The following ZNF185 variants were observed in gnomAD, a reference collection of about 807,000 sequenced individuals.
ZNF185 encodes zinc finger protein 185.
ZNF185 carries 56 observed loss-of-function variants against 58.6 expected under a neutral mutation model. The observed-to-expected ratio is 0.95, with a 90% CI of 0.77 to 1.19. The LOEUF is 1.19. Among genes scored for constraint, ZNF185 ranks in the 50% most tolerant of loss-of-function variants. The probability of loss-of-function intolerance (pLI) is 0.00; values close to 1 mark genes in which losing one functional copy is unlikely to be tolerated. For synonymous variants in ZNF185, 230 were observed against 215.9 expected, an observed-to-expected ratio of 1.07 and a Z score of -0.57; for missense variants, 627 against 573.5, an observed-to-expected ratio of 1.09 and a Z score of -0.95.
intron 9 of ZNF185, among the ~76,000 whole-genome samples, chrX:152,921,354 T>C (rs529195544): frequency 9.0e-6 from 1 of 111,221 alleles, no homozygotes; most frequent in Middle Eastern, 4.6e-3. Flanking sequence ...TGTGCTGAGG[T>C]GGCTAGCTGG....
intron 15 of ZNF185, among the ~76,000 whole-genome samples, 193 bp from the exon 18 acceptor site, chrX:152,945,074 G>C (rs947152188): frequency 8.0e-5 from 9 of 112,729 alleles, no homozygotes; most frequent in African/African-American, 2.9e-4. Flanking sequence ...AGGGAGCAGC[G>C]ATGCTGGGCT....
intron 16 of ZNF185, among the ~76,000 whole-genome samples, chrX:152,950,084 T>C (rs2048156135): frequency 8.9e-6 from 1 of 112,350 alleles, no homozygotes; most frequent in South Asian, 3.7e-4. Flanking sequence ...GAACTCATTA[T>C]ATTTCTTGGA....
intron 16 of ZNF185, among the ~76,000 whole-genome samples, chrX:152,959,469 G>A (rs782188106): frequency 1.7e-4 from 19 of 112,422 alleles, no homozygotes; most frequent in African/African-American, 5.8e-4. Context: ...CCTCATTGAA[G>A]TCGTCAGGTG....
rs1556868787 is a variant in ZNF185 at position 152,920,318 on chromosome X, G to A, written c.531-10G>A. ...CCCATCAGATGCTCCCCCATCCCGTGTCACCCCAGGTCAGAGGCTGCAAGC... is the reference window on the plus strand; with the variant it reads ...CCCATCAGATGCTCCCCCATCCCGTATCACCCCAGGTCAGAGGCTGCAAGC... On this transcript the variant is annotated splice_polypyrimidine_tract_variant and intron_variant, in intron 7 of 22. Transcript: ENST00000449285. 2.5e-6 allele frequency: 3 copies of A among 1,208,212 alleles called. No homozygotes were observed. Among genetic ancestry groups the A allele is most frequent in the Admixed American group, 4.4e-5 (2 of 45,826 alleles).
intron 15 of ZNF185, among the ~76,000 whole-genome samples, chrX:152,940,486 T>C (rs1434680048): frequency 9.1e-6 from 1 of 110,091 alleles, no homozygotes; most frequent in Non-Finnish European, 1.9e-5. Flanking sequence ...TGATTGGCAA[T>C]TGGTTGAAAG....
chrX:152,938,043 G>T, intron 14 of ZNF185, 31 bp from the exon 17 acceptor site: 1 of 1,161,296 alleles, frequency 8.6e-7, no homozygotes, highest in Non-Finnish European at 1.2e-6. Flanking sequence ...TTTGGTCTGA[G>T]ATCTCAGCAG....
At chrX:152,952,508 C>T (rs2048386880) in intron 16 of ZNF185, among the ~76,000 whole-genome samples, 1 of 112,182 alleles carries the variant, frequency 8.9e-6, no homozygotes, top group South Asian at 3.7e-4. Flanking sequence ...ACTAAACATA[C>T]AGACAGACAC....
At chrX:152,922,043 TG>T in intron 9 of ZNF185, 129 bp from the exon 11 acceptor site, 1 of 636,984 alleles carries the variant, frequency 1.6e-6, no homozygotes, top group Non-Finnish European at 2.4e-6. Flanking sequence ...ACCCCCAGCC[TG>T]GGCCACCTCT....
chrX:152,967,177 A>G (rs782483755), exon 20 of ZNF185: 4 of 1,211,536 alleles, frequency 3.3e-6, no homozygotes, highest in East Asian at 5.9e-5. Flanking sequence ...CGTCAGCAGC[A>G]TTGAGGACTC....
chrX:152,972,937 G>C, exon 23 of ZNF185: 1 of 111,903 alleles, frequency 8.9e-6, no homozygotes, highest in South Asian at 3.7e-4. Context: ...ATGCACATTG[G>C]CTTGTGGGCT....
chrX:152,958,292 G>C (rs1569514586), intron 16 of ZNF185, among the ~76,000 whole-genome samples: 2 of 111,618 alleles, frequency 1.8e-5, no homozygotes, highest in East Asian at 5.6e-4. Flanking sequence ...GCTGCTGGAA[G>C]GGGAAGAGAA....
chrX:152,903,127 G>A, the ZNF185 span, among the ~76,000 whole-genome samples: 6 of 110,481 alleles, frequency 5.4e-5, no homozygotes, highest in Admixed American at 9.6e-5. Flanking sequence ...GGTGGCTCAC[G>A]CCTGTAATCC....
At chrX:152,923,162 T>C (rs1414319323) in intron 11 of ZNF185, among the ~76,000 whole-genome samples, 2 of 111,955 alleles carry the variant, frequency 1.8e-5, no homozygotes, top group Non-Finnish European at 3.8e-5. Context: ...AAGAGCTGCA[T>C]CTCTGTAGCA....
rs116239564 is a variant in ZNF185, at chrX:152,945,597, T to G, written c.1409+133T>G. 2,055 of 735,298 alleles carry G rather than the reference T, an allele frequency of 2.8e-3. 34 individuals are homozygous for G. The African/African-American group carries it at 0.045, about 16-fold the overall frequency. The allele number at this position is 735,298 out of a possible 1,213,427, so 60.6% of individuals were successfully genotyped here. A position where few individuals can be genotyped will look rare whatever the true frequency, so the allele number is the denominator to read the frequency against. ...ATTGCACACCCAGGCTCCTGTTCTG[T>G]GAGTGGGTCATGGTGATTCCCTGGT... On this transcript the variant is annotated intron_variant, in intron 16 of 22. Transcript: ENST00000449285.
exon 17 of ZNF185, chrX:152,959,793 C>G (rs1170434296): frequency 8.3e-7 from 1 of 1,210,254 alleles, no homozygotes; most frequent in Non-Finnish European, 1.1e-6. Flanking sequence ...CCAAGGAGAC[C>G]CAGCTGTACC....
At position 152,920,368 on chromosome X, in the gene ZNF185, C is replaced by T. The variant is rs374220732; in HGVS notation, c.571C>T (p.Arg191Trp). The change falls in exon 8 of 23, where the codon CGG (arginine) becomes TGG (tryptophan). Residue 191 changes from arginine (R) to tryptophan (W), a missense_variant. Physicochemically the swap from Arg to Trp is moderately radical, Grantham distance 101. Transcript: ENST00000449285. ...CGGTGTTCTGAGGAGGACAGCTCCC[C>T]GGGAGCACTCCTACGTCCTGTCAGC... The T allele has an allele frequency of 9.8e-5, 118 of 1,209,334 alleles. 1 individual carries two copies. The highest frequency in any genetic ancestry group is 5.7e-4 in the Admixed American group (26 of 45,809).
chrX:152,960,800 G>A lies in ZNF185; in HGVS notation c.1607+904G>A, dbSNP rs782779137. 2.7e-5 allele frequency among the ~76,000 whole-genome samples: 3 copies of A among 112,430 alleles called. 1 individual carries two copies. Among genetic ancestry groups the A allele is most frequent in the South Asian group, 7.4e-4 (2 of 2,701 alleles). Reference sequence around the variant, plus strand: ...TGAACTGGAAACAGTGTGGTCTCAGGAAGTGCTTCACAGCCATTGCAACAT... The same window carrying A: ...TGAACTGGAAACAGTGTGGTCTCAGAAAGTGCTTCACAGCCATTGCAACAT... On this transcript the variant is annotated intron_variant, in intron 17 of 22. Transcript: ENST00000449285.
At chrX:152,964,409 C>A (rs932435308) in intron 18 of ZNF185, among the ~76,000 whole-genome samples, 1 of 112,455 alleles carries the variant, frequency 8.9e-6, no homozygotes, top group East Asian at 2.8e-4. Flanking sequence ...GCAAAGGCCT[C>A]GGGAAGCTTA....
chrX:152,938,304 C>T, intron 15 of ZNF185, 141 bp downstream of exon 17: 1 of 529,708 alleles, frequency 1.9e-6, no homozygotes, highest in Non-Finnish European at 3.0e-6. Flanking sequence ...GCAGAAGCCC[C>T]AACCAGAACC....
Sources: allele counts gnomAD v4.1 joint callset (sites outside exome capture counted in the v4.1 genomes callset), GRCh38; gene constraint gnomAD v4.1.1; transcripts MANE v1.5; gene names NCBI Gene and HGNC (gene_info 2026-07-23, HGNC 2026-07-21).